L3MBTL3: variants seen among roughly 807,000 people sequenced by gnomAD.
L3MBTL3 encodes the protein lethal(3)malignant brain tumor-like protein 3.
A neutral mutation model predicts 102.3 loss-of-function variants in L3MBTL3; 27 were observed. That is an observed-to-expected ratio of 0.26 (90% CI 0.19 to 0.36). L3MBTL3 has a LOEUF of 0.36. Among genes scored for constraint, L3MBTL3 ranks in the 10% least tolerant of loss-of-function variants. L3MBTL3 has a pLI of 1.00. For missense variants in L3MBTL3, 798 were observed against 955.3 expected, an observed-to-expected ratio of 0.84 and a Z score of 2.17; for synonymous variants, 340 against 320.9, an observed-to-expected ratio of 1.06 and a Z score of -0.64.
chr6:130,139,925 C>G lies in L3MBTL3; in HGVS notation c.*172C>G, dbSNP rs1788116913. ...ATATATATGAATTCTTATGAAAGTG[C>G]TTGAGCTTTTAACCAGGTACTGTCT... is the stretch of plus-strand genomic sequence containing the variant. On this transcript the variant is annotated 3_prime_UTR_variant, in exon 23 of 23. Transcript: ENST00000361794. 1.7e-6 allele frequency: 1 copy of G among 595,832 alleles called. No individual in the cohort carries two copies. The highest frequency in any genetic ancestry group is 2.1e-5 in the South Asian group (1 of 47,324). The allele number at this position is 595,832 out of a possible 1,614,324, so 36.9% of individuals were successfully genotyped here.
chr6:130,120,028 G>A (rs1218262074), intron 19 of L3MBTL3, among the ~76,000 whole-genome samples: 6 of 152,090 alleles, frequency 3.9e-5, no homozygotes, highest in African/African-American at 1.2e-4. Flanking sequence ...AGAAACTCAC[G>A]TATATTTGTA....
intron 1 of L3MBTL3, among the ~76,000 whole-genome samples, chr6:130,018,914 A>G (rs1246007174): frequency 6.6e-6 from 1 of 152,116 alleles, no homozygotes; most frequent in Non-Finnish European, 1.5e-5. Context: ...TGACTCGGAA[A>G]CGGCTGGAGG....
At chr6:130,035,529 G>A (rs563735978) in intron 2 of L3MBTL3, among the ~76,000 whole-genome samples, 136 of 152,330 alleles carry the variant, frequency 8.9e-4, no homozygotes, top group Middle Eastern at 3.4e-3. Flanking sequence ...TGTAATAAAA[G>A]CAAATTGTTT....
intron 22 of L3MBTL3, among the ~76,000 whole-genome samples, chr6:130,134,887 A>T (rs1244521875): frequency 6.6e-6 from 1 of 152,196 alleles, no homozygotes; most frequent in African/African-American, 2.4e-5. Flanking sequence ...TTTATGCGTT[A>T]GATGAAAGCT....
At chr6:130,042,823 C>A (rs754425629) in intron 3 of L3MBTL3, 22 bp downstream of exon 3, 1 of 1,455,424 alleles carries the variant, frequency 6.9e-7, no homozygotes, top group South Asian at 1.1e-5. Flanking sequence ...TTATTACATA[C>A]AATTATGTGT....
intron 14 of L3MBTL3, among the ~76,000 whole-genome samples, chr6:130,082,491 A>T (rs981350779): frequency 4.6e-5 from 7 of 152,208 alleles, no homozygotes; most frequent in African/African-American, 1.7e-4. Context: ...TGCTAGCATT[A>T]TATATCTTCA....
At chr6:130,046,493 C>A (rs1432854419) in intron 3 of L3MBTL3, among the ~76,000 whole-genome samples, 1 of 152,000 alleles carries the variant, frequency 6.6e-6, no homozygotes, top group Non-Finnish European at 1.5e-5. Flanking sequence ...ACTCTACAAT[C>A]AAAAATAAAA....
chr6:130,133,973 G>A lies in L3MBTL3; in HGVS notation c.2199+68G>A, dbSNP rs1787339707. ...AAAGCACTGAAATGCAGTGGAAGGT[G>A]AAATGTGTGGAATTGGCAGAGTCAA... On this transcript the variant is annotated intron_variant, in intron 22 of 22. Transcript: ENST00000361794. The surrounding 1 kb of genome is among the most constrained non-coding windows in gnomAD (Gnocchi z 4.9). The A allele has an allele frequency of 1.3e-5, 16 of 1,245,452 alleles. No homozygotes were observed. Among genetic ancestry groups the A allele is most frequent in the Non-Finnish European group, 1.9e-5 (16 of 849,810 alleles). The allele number at this position is 1,245,452 out of a possible 1,614,324, so 77.2% of individuals were successfully genotyped here.
rs1782096313 is a variant in L3MBTL3, at chr6:130,064,235, C to T, written c.865-2118C>T. Among the ~76,000 whole-genome samples the T allele has an allele frequency of 3.9e-5, 6 of 151,906 alleles. No homozygotes were observed. In the South Asian group the frequency reaches 1.2e-3, roughly 32 times the overall value. On this transcript the variant is annotated intron_variant, in intron 10 of 22. Transcript: ENST00000361794. The stretch of plus-strand genomic sequence containing the variant: ...CAAGAAAATGTTTTTTAAATGATTG[C>T]TAGGAAAGGAAGGCTTGGGGTGAGG...
chr6:130,060,846 T>C (rs1781846725), intron 10 of L3MBTL3, among the ~76,000 whole-genome samples: 1 of 152,026 alleles, frequency 6.6e-6, no homozygotes, highest in Admixed American at 6.6e-5. Context: ...CTCCCTCCCT[T>C]GAGCCAGAGG....
intron 9 of L3MBTL3, 120 bp from the exon 10 acceptor site, chr6:130,059,916 T>C (rs1172550246): frequency 5.2e-6 from 3 of 580,718 alleles, no homozygotes; most frequent in Non-Finnish European, 9.1e-6. Context: ...TCTTTTTCTT[T>C]GGATTTTTAG....
At chr6:130,075,121 C>G (rs554488545) in intron 13 of L3MBTL3, among the ~76,000 whole-genome samples, 2 of 152,064 alleles carry the variant, frequency 1.3e-5, no homozygotes, top group Non-Finnish European at 2.9e-5. Context: ...ATGAATGGAA[C>G]CTGGGCTGTT....
chr6:130,114,159 G>T (rs920779113), intron 19 of L3MBTL3, among the ~76,000 whole-genome samples: 3 of 152,160 alleles, frequency 2.0e-5, no homozygotes, highest in African/African-American at 7.2e-5. Flanking sequence ...AGTTAAATCT[G>T]TGTAGTTGTT....
In L3MBTL3 at chr6:130,066,464, G is replaced by A. The variant is rs369704981; in HGVS notation, c.976G>A (p.Gly326Ser). The change falls in exon 11 of 23, where the codon GGC (glycine) becomes AGC (serine). Residue 326 changes from glycine (G) to serine (S), a missense_variant. Gly to Ser is a moderately conservative substitution (Grantham distance 56, BLOSUM62 0). Coordinates refer to ENST00000361794, the MANE Select transcript of L3MBTL3 (RefSeq NM_032438.4). The part of the protein sequence containing the change: ...IHPVGWCEKT[G>S]HKLHPPKGYK... Reference sequence around the variant, plus strand: ...CCCAGTTGGGTGGTGTGAGAAAACCGGCCACAAACTCCATCCTCCAAAAGG... The same window carrying A: ...CCCAGTTGGGTGGTGTGAGAAAACCAGCCACAAACTCCATCCTCCAAAAGG... The A allele has an allele frequency of 9.3e-6, 15 of 1,610,044 alleles. No individual in the cohort carries two copies. The highest frequency in any genetic ancestry group is 1.7e-4 in the Middle Eastern group (1 of 6,052).
At chr6:130,034,801 C>A (rs1779946887) in intron 2 of L3MBTL3, among the ~76,000 whole-genome samples, 1 of 152,234 alleles carries the variant, frequency 6.6e-6, no homozygotes, top group African/African-American at 2.4e-5. Flanking sequence ...GATTCAGAAT[C>A]ATGTCTCTGC....
At position 130,093,011 on chromosome 6, in the gene L3MBTL3, G is replaced by A. The variant is rs1011256655; in HGVS notation, c.1633+152G>A. 9.0e-5 allele frequency: 44 copies of A among 491,264 alleles called. No individual in the cohort carries two copies. In the East Asian group the frequency reaches 1.2e-3, roughly 14 times the overall value. The allele number at this position is 491,264 out of a possible 1,614,324, so 30.4% of individuals were successfully genotyped here. A position where few individuals can be genotyped will look rare whatever the true frequency, so the allele number is the denominator to read the frequency against. On this transcript the variant is annotated intron_variant, in intron 17 of 22. Transcript: ENST00000361794. Reference sequence around the variant, plus strand: ...CCTTTTACTACATTTTAATTACCACGGTCACAGAAATATAAATGGAAAAAA... The same window carrying A: ...CCTTTTACTACATTTTAATTACCACAGTCACAGAAATATAAATGGAAAAAA...
intron 2 of L3MBTL3, among the ~76,000 whole-genome samples, chr6:130,023,793 T>C (rs528874852): frequency 9.8e-5 from 15 of 152,318 alleles, no homozygotes; most frequent in African/African-American, 3.6e-4. Context: ...TATAGTGATT[T>C]AACACTTGGC....
At position 130,049,798 on chromosome 6, in the gene L3MBTL3, C is replaced by T. The variant is rs1230845809; in HGVS notation, c.257C>T (p.Ala86Val). 5 of 1,613,892 alleles carry T rather than the reference C, an allele frequency of 3.1e-6. No homozygotes were observed. The South Asian group carries it at 5.5e-5, about 18-fold the overall frequency. The change falls in exon 5 of 23, where the codon GCC becomes GTC. Residue 86 changes from alanine (A) to valine (V), a missense_variant. Physicochemically the swap from Ala to Val is moderately conservative, Grantham distance 64. Around this residue, in one of 4 missense-constraint regions of L3MBTL3, gnomAD observed 434 missense variants for 506.6 expected, o/e 0.86. Transcript: ENST00000361794. ...PPSSRPVFPP[A>V]YWTSPPGCPT... ...AGCTCCAGGCCCGTATTTCCACCTGCCTACTGGACATCTCCACCTGGATGT... is the reference window on the plus strand; with the variant it reads ...AGCTCCAGGCCCGTATTTCCACCTGTCTACTGGACATCTCCACCTGGATGT...
At chr6:130,049,719 A>C (rs1780970533) in intron 4 of L3MBTL3, 37 bp from the exon 5 acceptor site, 3 of 1,613,106 alleles carry the variant, frequency 1.9e-6, no homozygotes, top group African/African-American at 1.3e-5. Context: ...TGTAACTAAC[A>C]CCTATATGCT....
Sources: allele counts gnomAD v4.1 joint callset (sites outside exome capture counted in the v4.1 genomes callset), GRCh38; gene constraint gnomAD v4.1.1; regional missense constraint gnomAD v4.1.1; non-coding constraint Gnocchi (gnomAD v3.1); transcripts MANE v1.5; gene names NCBI Gene and HGNC (gene_info 2026-07-23, HGNC 2026-07-21).